VPS13C: variants seen among roughly 807,000 people sequenced by gnomAD.
VPS13C encodes the protein vacuolar protein sorting 13 homolog C, also known as intermembrane lipid transfer protein VPS13C.
VPS13C carries 358 observed loss-of-function variants against 456.8 expected under a neutral mutation model. The observed-to-expected ratio is 0.78, with a 90% CI of 0.72 to 0.86. VPS13C has a LOEUF of 0.86. Among genes scored for constraint, VPS13C ranks in the 40% least tolerant of loss-of-function variants. The pLI is 0.00. For synonymous variants in VPS13C, 1,578 were observed against 1,486.7 expected (o/e 1.06, Z -1.41); for missense variants, 4,818 against 4,385.4 (o/e 1.10, Z -2.79).
chr15:62,010,499 A>T lies in VPS13C; in HGVS notation c.984T>A (p.Asn328Lys), dbSNP rs2140505584. Residue 328 changes from asparagine to lysine, a missense_variant, in exon 13 of 85, where the codon AAT (asparagine) becomes AAA (lysine). Coordinates refer to ENST00000644861, the MANE Select transcript of VPS13C (RefSeq NM_020821.3). ...GAGGTTTGGTCAGTTCAATGGCAAT[A>T]TTTTGTATTTCTATGTTGCAATCCA... ...PKLDCNIEIQ[N>K]IAIELTKPQY... is the part of the protein sequence containing the mutation. 1.2e-6 allele frequency: 2 copies of T among 1,613,098 alleles called. No homozygotes were observed. Among genetic ancestry groups the T allele is most frequent in the East Asian group, 4.5e-5 (2 of 44,738 alleles).
chr15:62,030,051 A>G (rs748467385), intron 5 of VPS13C, among the ~76,000 whole-genome samples: 14 of 152,078 alleles, frequency 9.2e-5, no homozygotes, highest in Non-Finnish European at 1.9e-4. Context: ...CCAAAAAACA[A>G]TCAGTTCAGA....
At chr15:62,038,345 T>C (rs920100408) in intron 3 of VPS13C, among the ~76,000 whole-genome samples, 6 of 152,112 alleles carry the variant, frequency 3.9e-5, no homozygotes, top group African/African-American at 1.4e-4. Context: ...TCCCAGCATT[T>C]TGGGAGGCCG....
At chr15:62,033,898 T>C (rs1386239694) in intron 4 of VPS13C, among the ~76,000 whole-genome samples, 1 of 151,616 alleles carries the variant, frequency 6.6e-6, no homozygotes, top group Non-Finnish European at 1.5e-5. Flanking sequence ...TAATATCCAA[T>C]ACTACCTGGG....
At chr15:61,961,944 CAAT>C (rs766303668) in intron 34 of VPS13C, 51 bp from the exon 35 acceptor site, 1 of 1,525,778 alleles carries the variant, frequency 6.6e-7, no homozygotes, top group South Asian at 1.3e-5. Context: ...ACAGGCACAT[CAAT>C]AATAACACTA....
chr15:61,870,230 T>C (rs920938727), intron 79 of VPS13C, among the ~76,000 whole-genome samples: 1 of 152,016 alleles, frequency 6.6e-6, no homozygotes, highest in Admixed American at 6.6e-5. Context: ...CATTCCCTAT[T>C]TCCCCCAGCC....
intron 15 of VPS13C, among the ~76,000 whole-genome samples, chr15:62,002,878 T>C (rs1205159045): frequency 1.3e-5 from 2 of 152,216 alleles, no homozygotes; most frequent in Non-Finnish European, 2.9e-5. Context: ...CATTGATCTA[T>C]ATCTCTATTT....
At chr15:61,945,912 A>C in intron 44 of VPS13C, 30 bp from the exon 45 acceptor site, 1 of 1,571,762 alleles carries the variant, frequency 6.4e-7, no homozygotes, top group Non-Finnish European at 8.6e-7. Context: ...TGGTTATTAT[A>C]TCAAAAGAGC....
chr15:61,901,831 T>C (rs1370652935), intron 66 of VPS13C, among the ~76,000 whole-genome samples: 1 of 152,132 alleles, frequency 6.6e-6, no homozygotes, highest in Non-Finnish European at 1.5e-5. Flanking sequence ...ATTGCGGAAT[T>C]ATTCACAATA....
chr15:61,904,256 T>G (rs1458116482), intron 66 of VPS13C, among the ~76,000 whole-genome samples: 3 of 150,864 alleles, frequency 2.0e-5, no homozygotes, highest in Non-Finnish European at 4.4e-5. Flanking sequence ...CCAGAAAATA[T>G]AAGGAACTCA....
At chr15:62,028,530 A>C (rs2047713329) in intron 5 of VPS13C, 110 bp from the exon 6 acceptor site, 8 of 1,084,980 alleles carry the variant, frequency 7.4e-6, no homozygotes, top group African/African-American at 1.6e-5. Context: ...GAAATCATGT[A>C]ACAGGGTAAT....
chr15:61,892,814 G>T (rs1042955867), intron 66 of VPS13C, among the ~76,000 whole-genome samples: 1 of 152,138 alleles, frequency 6.6e-6, no homozygotes, highest in Admixed American at 6.5e-5. Context: ...AAATTAAACA[G>T]AAATGCTGGA....
At position 62,007,355 on chromosome 15, in the gene VPS13C, T is replaced by C; in HGVS notation, c.1243A>G (p.Lys415Glu). The C allele has an allele frequency of 1.2e-6, 2 of 1,612,656 alleles. No individual in the cohort carries two copies. Among genetic ancestry groups the C allele is most frequent in the Non-Finnish European group, 1.7e-6 (2 of 1,179,452 alleles). ...TCTGAGACTTTAGACTGTGTTAACTTGTTTTTGTAGGCAATTTTATAACTC... is the reference window on the plus strand; with the variant it reads ...TCTGAGACTTTAGACTGTGTTAACTCGTTTTTGTAGGCAATTTTATAACTC... ...LKSYKIAYKN[K>E]LTQSKVSEEI... Residue 415 changes from lysine (K) to glutamate (E), a missense_variant, in exon 15 of 85, where the codon AAG becomes GAG. Lys to Glu is a moderately conservative substitution (Grantham distance 56, BLOSUM62 1). This residue lies in a region of VPS13C where 4,552 missense variants were observed against 4,130.6 expected (regional missense o/e 1.10). Coordinates refer to ENST00000644861, the MANE Select transcript of VPS13C (RefSeq NM_020821.3).
chr15:61,855,941 G>C (rs1893878158), intron 83 of VPS13C, among the ~76,000 whole-genome samples: 1 of 151,846 alleles, frequency 6.6e-6, no homozygotes, highest in Admixed American at 6.6e-5. Context: ...AACCTAAAAA[G>C]AGGGAATCTT....
intron 32 of VPS13C, among the ~76,000 whole-genome samples, chr15:61,963,509 G>A (rs749319747): frequency 9.2e-5 from 14 of 151,780 alleles, no homozygotes; most frequent in Admixed American, 2.6e-4. Context: ...TAGAAAGCAC[G>A]TCCACAGACC....
chr15:61,909,970 C>A (rs1279810088), intron 64 of VPS13C, among the ~76,000 whole-genome samples: 1 of 96,704 alleles, frequency 1.0e-5, no homozygotes, highest in Admixed American at 1.5e-4. Context: ...CACACTGGGG[C>A]CTGTTGTGGG....
chr15:62,013,050 C>G lies in VPS13C; in HGVS notation c.814G>C (p.Glu272Gln). The G allele has an allele frequency of 5.6e-6, 9 of 1,609,528 alleles. No homozygotes were observed. The highest frequency in any genetic ancestry group is 7.6e-6 in the Non-Finnish European group (9 of 1,177,680). The change falls in exon 11 of 85, where the codon GAA (glutamate) becomes CAA (glutamine). Residue 272 changes from glutamate to glutamine, a missense_variant. Around this residue, in one of 3 missense-constraint regions of VPS13C, gnomAD observed 4,552 missense variants for 4,130.6 expected, o/e 1.10. Transcript: ENST00000644861. The part of the protein sequence containing the change: ...NCSMSYQRSR[E>Q]QILDQLKNEI... The stretch of plus-strand genomic sequence containing the variant: ...TACATTAATATTACCAAAATCTGTT[C>G]CCTTGATCTCTGGTAAGACATGCTG...
chr15:61,939,603 C>A (rs1345154304), intron 47 of VPS13C, among the ~76,000 whole-genome samples: 2 of 152,186 alleles, frequency 1.3e-5, no homozygotes, highest in African/African-American at 4.8e-5. Flanking sequence ...CACATAGGCA[C>A]ACAAGAATCA....
chr15:62,028,231 G>T, intron 6 of VPS13C, 127 bp downstream of exon 6: 1 of 946,136 alleles, frequency 1.1e-6, no homozygotes, highest in Non-Finnish European at 1.6e-6. Context: ...GGTAGAGGGG[G>T]AAAACAAAAA....
intron 77 of VPS13C, among the ~76,000 whole-genome samples, chr15:61,874,370 G>C (rs1895257387): frequency 6.6e-6 from 1 of 151,850 alleles, no homozygotes; most frequent in African/African-American, 2.4e-5. Flanking sequence ...AAATGTTCGA[G>C]GTGATAAATA....
Sources: allele counts gnomAD v4.1 joint callset (sites outside exome capture counted in the v4.1 genomes callset), GRCh38; gene constraint gnomAD v4.1.1; regional missense constraint gnomAD v4.1.1; transcripts MANE v1.5; gene names NCBI Gene and HGNC (gene_info 2026-07-23, HGNC 2026-07-21).